Variants in MYO5B observed in about 807,000 individuals in gnomAD.
The protein encoded by MYO5B is myosin VB.
A neutral mutation model predicts 229.3 loss-of-function variants in MYO5B; 143 were observed. The ratio of observed to expected loss-of-function variants is 0.62; its 90% CI spans 0.54 to 0.72. The LOEUF (loss-of-function observed/expected upper bound fraction) is 0.72, where lower values mean the gene tolerates loss of function less well. Ranked by LOEUF, MYO5B falls within the 30% of genes least tolerant of loss-of-function variation. The pLI, the probability that MYO5B is intolerant of heterozygous loss-of-function variation, is 0.00. For synonymous variants in MYO5B, 918 were observed against 885.2 expected (o/e 1.04, Z -0.66); for missense variants, 2,321 against 2,331.0 (o/e 1.00, Z 0.09).
intron 5 of MYO5B, 62 bp from the exon 6 acceptor site, chr18:49,992,493 G>A: frequency 6.2e-7 from 1 of 1,610,740 alleles, no homozygotes; most frequent in Non-Finnish European, 8.5e-7. Flanking sequence ...TTTCAGGATT[G>A]TATGTTTGTG....
At chr18:49,895,475 G>C (rs983516064) in intron 21 of MYO5B, among the ~76,000 whole-genome samples, 1 of 152,198 alleles carries the variant, frequency 6.6e-6, no homozygotes, top group African/African-American at 2.4e-5. Context: ...TGGCTGGGTG[G>C]ATCCTATACC....
rs77154260 is a variant in MYO5B at position 50,121,344 on chromosome 18, A to G, written c.28-65966T>C. Among the ~76,000 whole-genome samples, 134 of 152,326 alleles carry G rather than the reference A, an allele frequency of 8.8e-4. No individual in the cohort carries two copies. In the East Asian group the frequency reaches 0.024, roughly 27 times the overall value. On this transcript the variant is annotated intron_variant, in intron 1 of 39. Transcript: ENST00000285039. Reference sequence around the variant, plus strand: ...TAATAAACATTGCTAGAATACATACACTGGTAGCTTTATATAGTGAGACAA... The same window carrying G: ...TAATAAACATTGCTAGAATACATACGCTGGTAGCTTTATATAGTGAGACAA...
In MYO5B at chr18:50,036,935, T is replaced by G; in HGVS notation, c.370A>C (p.Ile124Leu). The G allele has an allele frequency of 6.2e-7, 1 of 1,614,170 alleles. No homozygotes were observed. The highest frequency in any genetic ancestry group is 8.5e-7 in the Non-Finnish European group (1 of 1,180,012). Residue 124 changes from isoleucine (I) to leucine (L), a missense_variant, in exon 4 of 40, where the codon ATC becomes CTC. Physicochemically the swap from Ile to Leu is conservative, Grantham distance 5 (BLOSUM62 2). Transcript: ENST00000285039. Reference sequence around the variant, plus strand: ...ATGTTTTGGCCACTGTAGGTATAGATGACATCTTGTCCATAGATTGGCAAC... The same window carrying G: ...ATGTTTTGGCCACTGTAGGTATAGAGGACATCTTGTCCATAGATTGGCAAC... Reference protein sequence around the residue: ...EQLPIYGQDVIYTYSGQNMGD... With the variant: ...EQLPIYGQDVLYTYSGQNMGD...
At chr18:49,847,089 T>C (rs1598828680) in intron 33 of MYO5B, 57 bp downstream of exon 33, 1 of 1,580,666 alleles carries the variant, frequency 6.3e-7, no homozygotes, top group Admixed American at 1.7e-5. Context: ...GGGATGGAGA[T>C]GGGAGCGGGG....
intron 21 of MYO5B, among the ~76,000 whole-genome samples, chr18:49,901,956 A>G (rs2024846453): frequency 6.6e-6 from 1 of 152,196 alleles, no homozygotes; most frequent in Non-Finnish European, 1.5e-5. Context: ...CCACACAGCA[A>G]GCCCTCCATG....
chr18:50,194,956 G>C lies in MYO5B; in HGVS notation c.-163C>G. On this transcript the variant is annotated 5_prime_UTR_variant, in exon 1 of 40. Transcript: ENST00000285039. ...CCGGCTTCCCGCAGGCGCCGCGGCC[G>C]GCTCGCTCCCGGCGGCGCGACCTTT... 9.4e-7 allele frequency: 1 copy of C among 1,062,168 alleles called. No individual in the cohort carries two copies. The highest frequency in any genetic ancestry group is 1.2e-6 in the Non-Finnish European group (1 of 841,722). The allele number at this position is 1,062,168 out of a possible 1,614,324, so 65.8% of individuals were successfully genotyped here. A position where few individuals can be genotyped will look rare whatever the true frequency, so the allele number is the denominator to read the frequency against.
intron 4 of MYO5B, among the ~76,000 whole-genome samples, chr18:50,033,621 G>C (rs556827231): frequency 2.6e-5 from 4 of 152,280 alleles, no homozygotes; most frequent in African/African-American, 9.6e-5. Flanking sequence ...AGGTAAAAAT[G>C]AGTGAGTGGG....
At chr18:50,116,990 CAT>C (rs893680832) in intron 1 of MYO5B, among the ~76,000 whole-genome samples, 3 of 152,164 alleles carry the variant, frequency 2.0e-5, no homozygotes, top group African/African-American at 7.2e-5. Flanking sequence ...TGTCACAGCA[CAT>C]AAGTACTATT....
chr18:50,038,232 A>C (rs1453457728), intron 3 of MYO5B, among the ~76,000 whole-genome samples: 1 of 152,168 alleles, frequency 6.6e-6, no homozygotes, highest in South Asian at 2.1e-4. Context: ...AGGTACAAAA[A>C]CCAGAAGCCT....
chr18:49,878,805 C>G, intron 24 of MYO5B, 140 bp downstream of exon 24: 1 of 1,049,212 alleles, frequency 9.5e-7, no homozygotes, highest in East Asian at 2.6e-5. Context: ...CTTTGCCTCT[C>G]TGCAGTAATG....
intron 34 of MYO5B, among the ~76,000 whole-genome samples, 154 bp downstream of exon 34, chr18:49,843,087 C>CT (rs1351694907): frequency 6.6e-6 from 1 of 152,200 alleles, no homozygotes. Flanking sequence ...GCCAGGCATC[C>CT]TGGTTATATG....
At chr18:49,982,196 G>A (rs1292185633) in intron 8 of MYO5B, among the ~76,000 whole-genome samples, 1 of 152,146 alleles carries the variant, frequency 6.6e-6, no homozygotes, top group Non-Finnish European at 1.5e-5. Flanking sequence ...TCAGCCTCTT[G>A]AGTAGCTGGG....
chr18:49,973,229 T>G (rs1477730957), intron 10 of MYO5B, among the ~76,000 whole-genome samples: 1 of 152,128 alleles, frequency 6.6e-6, no homozygotes, highest in South Asian at 2.1e-4. Flanking sequence ...ATCACAAAGA[T>G]TGTCTTCTTT....
At chr18:49,841,938 A>G (rs1446300259) in intron 34 of MYO5B, among the ~76,000 whole-genome samples, 1 of 152,168 alleles carries the variant, frequency 6.6e-6, no homozygotes, top group Admixed American at 6.5e-5. Context: ...TCTCTAGAAA[A>G]TGGCTACAAA....
intron 9 of MYO5B, among the ~76,000 whole-genome samples, chr18:49,976,761 G>T (rs1327901001): frequency 6.6e-6 from 1 of 152,088 alleles, no homozygotes; most frequent in East Asian, 1.9e-4. Context: ...AGTTTCCATG[G>T]CTACTTCTCC....
chr18:49,982,076 C>T (rs1158228240), intron 8 of MYO5B, among the ~76,000 whole-genome samples: 1 of 152,108 alleles, frequency 6.6e-6, no homozygotes, highest in East Asian at 1.9e-4. Flanking sequence ...AGCTTTTCTA[C>T]TTCGTTTATC....
chr18:49,989,612 G>C lies in MYO5B; in HGVS notation c.838+827C>G, dbSNP rs114446840. On this transcript the variant is annotated intron_variant, in intron 7 of 39. Transcript: ENST00000285039. ...CCCCATAAGGACCCACACAGAGAAG[G>C]GCCAAAGGCTCCAGACCCAAGGAGA... Among the ~76,000 whole-genome samples the C allele has an allele frequency of 1.8e-3, 270 of 152,218 alleles. 1 individual carries two copies. The highest frequency in any genetic ancestry group is 6.2e-3 in the African/African-American group (257 of 41,508).
Position 49,856,733 on chromosome 18 carries a change from G to C in MYO5B, c.4022+80C>G, listed in dbSNP as rs919751911. ...TGTTCCCCGTGCTCTCGCACCCACT[G>C]TAGCTGAAAAACGGTTAAGCATAGA... On this transcript the variant is annotated intron_variant, in intron 30 of 39. Coordinates refer to ENST00000285039, the MANE Select transcript of MYO5B (RefSeq NM_001080467.3). 6.5e-6 allele frequency: 8 copies of C among 1,231,274 alleles called. No individual in the cohort carries two copies. The African/African-American group carries it at 1.2e-4, about 18-fold the overall frequency. The allele number at this position is 1,231,274 out of a possible 1,614,324, so 76.3% of individuals were successfully genotyped here.
intron 1 of MYO5B, among the ~76,000 whole-genome samples, chr18:50,160,936 C>T (rs1017709435): frequency 1.3e-5 from 2 of 152,124 alleles, no homozygotes; most frequent in Admixed American, 6.6e-5. Flanking sequence ...AGCCCTGAAA[C>T]ACTGCGGCCA....
Sources: gnomAD v4.1 joint callset for allele counts (sites outside exome capture counted in the v4.1 genomes callset) on GRCh38, gnomAD v4.1.1 for gene constraint, MANE v1.5 for transcripts, NCBI Gene and HGNC (gene_info 2026-07-23, HGNC 2026-07-21) for gene names.